ABHD12: variants seen among roughly 807,000 people sequenced by gnomAD.
ABHD12 encodes lysophosphatidylserine lipase ABHD12.
ABHD12 carries 43 observed loss-of-function variants against 58.3 expected under a neutral mutation model. The observed-to-expected ratio is 0.74, with a 90% CI of 0.58 to 0.95. The LOEUF is 0.95. ABHD12 is among the 40% of genes least tolerant of loss of function. The pLI, the probability that ABHD12 is intolerant of heterozygous loss-of-function variation, is 0.00. For missense variants in ABHD12, 539 were observed against 537.2 expected (o/e 1.00, Z -0.03); for synonymous variants, 219 against 211.2 (o/e 1.04, Z -0.32).
chr20:25,303,342 T>G, intron 11 of ABHD12: 1 of 1,467,804 alleles, frequency 6.8e-7, no homozygotes, highest in Non-Finnish European at 9.0e-7. Context: ...CCCCAACCTT[T>G]ACACCAGACC....
chr20:25,327,969 G>A (rs1380395731), intron 2 of ABHD12, among the ~76,000 whole-genome samples: 2 of 152,054 alleles, frequency 1.3e-5, no homozygotes, highest in East Asian at 3.9e-4. Context: ...GACTCCCTAT[G>A]ATTTCATCTC....
At chr20:25,357,347 CA>C (rs2146078293) in intron 1 of ABHD12, among the ~76,000 whole-genome samples, 1 of 152,338 alleles carries the variant, frequency 6.6e-6, no homozygotes, top group South Asian at 2.1e-4. Flanking sequence ...CTGTCTGCAA[CA>C]AAACATTTAT....
chr20:25,323,745 C>T (rs1568728899), intron 2 of ABHD12, among the ~76,000 whole-genome samples: 1 of 152,086 alleles, frequency 6.6e-6, no homozygotes, highest in Non-Finnish European at 1.5e-5. Flanking sequence ...GGTCTAAGGT[C>T]ATTCTAGGTG....
At chr20:25,337,799 C>T (rs757873705) in intron 2 of ABHD12, among the ~76,000 whole-genome samples, 14 of 152,172 alleles carry the variant, frequency 9.2e-5, no homozygotes, top group Non-Finnish European at 1.5e-4. Flanking sequence ...ATTTAAGGAA[C>T]ATTAAAGTCA....
intron 2 of ABHD12, among the ~76,000 whole-genome samples, chr20:25,324,212 G>T (rs560360947): frequency 6.6e-6 from 1 of 152,296 alleles, no homozygotes; most frequent in African/African-American, 2.4e-5. Flanking sequence ...GGAGCAAGGT[G>T]ACTGTGGGTG....
intron 2 of ABHD12, among the ~76,000 whole-genome samples, chr20:25,330,195 T>G (rs200789123): frequency 2.0e-5 from 3 of 152,124 alleles, no homozygotes; most frequent in African/African-American, 4.8e-5. Context: ...TCAAAGAAAG[T>G]GGTGACAGAC....
chr20:25,390,689 G>A lies in ABHD12; in HGVS notation c.15C>T (p.Thr5=), dbSNP rs1226158462. Residue 5 remains threonine, a synonymous_variant, in exon 1 of 13, where the codon ACC becomes ACT. Coordinates refer to ENST00000339157, the MANE Select transcript of ABHD12 (RefSeq NM_001042472.3). ...GCTCATGCTCCAAGGCGACGGGCTC[G>A]GTCCGCTTCCTCATCCCGCGGCCGA... The part of the protein sequence containing the change: MRKR[T]EPVALEHERC... 2.2e-5 allele frequency: 31 copies of A among 1,410,942 alleles called. No individual in the cohort carries two copies. The highest frequency in any genetic ancestry group is 3.0e-5 in the African/African-American group (2 of 66,636). 87.4% of individuals were successfully genotyped at this position (1,410,942 alleles called of 1,614,324 possible).
At chr20:25,358,154 C>T (rs1034265349) in intron 1 of ABHD12, among the ~76,000 whole-genome samples, 2 of 152,184 alleles carry the variant, frequency 1.3e-5, no homozygotes, top group African/African-American at 4.8e-5. Flanking sequence ...AATATTCATA[C>T]TCTTTGACCC....
At position 25,302,282 on chromosome 20, in the gene ABHD12, T is replaced by C. The variant is rs1407716206; in HGVS notation, c.1094A>G (p.His365Arg). The C allele has an allele frequency of 6.8e-6, 11 of 1,613,828 alleles. No individual in the cohort carries two copies. The highest frequency in any genetic ancestry group is 9.3e-6 in the Non-Finnish European group (11 of 1,180,000). ...RDFKVQFVPF[H>R]SDLGYRHKYI... is the part of the protein sequence containing the mutation. The stretch of plus-strand genomic sequence containing the variant: ...TTTGTGCCTGTAGCCAAGGTCTGAA[T>C]GAAAGGGCACAAACTGAACTTTGAA... Residue 365 changes from histidine (H) to arginine (R), a missense_variant, in exon 12 of 13, where the codon CAT becomes CGT. By Grantham distance (29) the His-to-Arg change is conservative (BLOSUM62 0). Transcript: ENST00000339157.
intron 2 of ABHD12, among the ~76,000 whole-genome samples, chr20:25,334,189 G>C (rs931959803): frequency 2.6e-5 from 4 of 150,992 alleles, no homozygotes; most frequent in Non-Finnish European, 5.9e-5. Context: ...AATCATGAGT[G>C]AACTCCCATT....
At chr20:25,348,082 C>T (rs1195375953) in intron 1 of ABHD12, among the ~76,000 whole-genome samples, 3 of 151,580 alleles carry the variant, frequency 2.0e-5, no homozygotes, top group South Asian at 4.2e-4. Flanking sequence ...TGGTGGCACA[C>T]GCCTGTAGTC....
chr20:25,359,423 CAAAAAAAA>C (rs565367954), intron 1 of ABHD12, among the ~76,000 whole-genome samples: 1 of 63,126 alleles, frequency 1.6e-5, no homozygotes, highest in African/African-American at 4.2e-5. Context: ...GACTCCGTCT[CAAAAAAAA>C]AAAAAAAAAA....
At chr20:25,303,346 C>T in intron 11 of ABHD12, 1 of 1,471,814 alleles carries the variant, frequency 6.8e-7, no homozygotes, top group Non-Finnish European at 9.0e-7. Context: ...AACCTTTACA[C>T]CAGACCTCCC....
intron 4 of ABHD12, among the ~76,000 whole-genome samples, chr20:25,318,475 G>A (rs1047126539): frequency 6.6e-6 from 1 of 152,180 alleles, no homozygotes; most frequent in Non-Finnish European, 1.5e-5. Flanking sequence ...AGGGGGTCTG[G>A]ACCTCAGGGG....
Position 25,323,341 on chromosome 20 carries a change from C to A in ABHD12, c.406G>T (p.Val136Leu). 1 of 1,613,616 alleles carries A rather than the reference C, an allele frequency of 6.2e-7. No individual in the cohort carries two copies. Among genetic ancestry groups the A allele is most frequent in the Non-Finnish European group, 8.5e-7 (1 of 1,179,524 alleles). Residue 136 changes from valine (V) to leucine (L), a missense_variant, in exon 3 of 13, where the codon GTG becomes TTG. Coordinates refer to ENST00000339157, the MANE Select transcript of ABHD12 (RefSeq NM_001042472.3). ...GGCACTCACCAGACTCCAATGGTCA[C>A]GTCTTCCTCTGGCTGCAGGTAGTAG... Reference protein sequence around the residue: ...CNYYLQPEEDVTIGVWHTVPA... With the variant: ...CNYYLQPEEDLTIGVWHTVPA...
intron 1 of ABHD12, among the ~76,000 whole-genome samples, chr20:25,342,362 T>C (rs556946034): frequency 6.6e-6 from 1 of 152,278 alleles, no homozygotes; most frequent in South Asian, 2.1e-4. Context: ...ATACATGATT[T>C]CACCCAAAAG....
At chr20:25,366,204 T>C (rs1485770794) in intron 1 of ABHD12, among the ~76,000 whole-genome samples, 1 of 152,212 alleles carries the variant, frequency 6.6e-6, no homozygotes, top group Non-Finnish European at 1.5e-5. Context: ...TTGCAAATAT[T>C]TGTATTTTGT....
chr20:25,390,550 AGCGCGGCTCAGCC>A lies in ABHD12; in HGVS notation c.141_153del (p.Glu49GlnfsTer6), dbSNP rs2090161104. On this transcript the variant is annotated frameshift_variant, in exon 1 of 13. Coordinates refer to ENST00000339157, the MANE Select transcript of ABHD12 (RefSeq NM_001042472.3). LOFTEE classifies it high-confidence loss of function. ...CGCTTCATTCCCGCGTCGGCTGCGC[AGCGCGGCTCAGCC>A]GCCGCCGGGCCCGTCAGGCGTAGGT... The A allele has an allele frequency of 7.0e-7, 1 of 1,427,506 alleles. No homozygotes were observed. Among genetic ancestry groups the A allele is most frequent in the South Asian group, 1.3e-5 (1 of 78,320 alleles). 88.4% of individuals were successfully genotyped at this position (1,427,506 alleles called of 1,614,324 possible). A position where few individuals can be genotyped will look rare whatever the true frequency, so the allele number is the denominator to read the frequency against.
chr20:25,313,060 G>C lies in ABHD12; in HGVS notation c.619+1865C>G, dbSNP rs1190749283. On this transcript the variant is annotated intron_variant, in intron 6 of 12. Transcript: ENST00000339157. ...TGGGAAGTGAGGAGCCCCTCTGCCCGGCTGCCACCCCGTCTGGGAGGTGTA... is the reference window on the plus strand; with the variant it reads ...TGGGAAGTGAGGAGCCCCTCTGCCCCGCTGCCACCCCGTCTGGGAGGTGTA... Among the ~76,000 whole-genome samples the C allele has an allele frequency of 4.0e-5, 6 of 151,450 alleles. No homozygotes were observed. In the South Asian group the frequency reaches 1.2e-3, roughly 32 times the overall value.
Sources: allele counts gnomAD v4.1 joint callset (sites outside exome capture counted in the v4.1 genomes callset), GRCh38; gene constraint gnomAD v4.1.1; transcripts MANE v1.5; gene names NCBI Gene and HGNC (gene_info 2026-07-23, HGNC 2026-07-21).